The following ACSM1 variants were observed in gnomAD, a reference collection of about 807,000 sequenced individuals.
ACSM1 encodes acyl-CoA synthetase medium chain family member 1, also known as acyl-coenzyme A synthetase ACSM1, mitochondrial.
In ACSM1, 79 loss-of-function variants were observed where a neutral mutation model predicts 75.8. The observed-to-expected ratio is 1.04, with a 90% CI of 0.87 to 1.26. The LOEUF is 1.26. Ranked by LOEUF, ACSM1 falls within the 50% of genes most tolerant of loss-of-function variation. The pLI, the probability that ACSM1 is intolerant of heterozygous loss-of-function variation, is 0.00. For missense variants in ACSM1, 676 were observed against 720.1 expected (o/e 0.94, Z 0.70); for synonymous variants, 279 against 265.8 (o/e 1.05, Z -0.48).
At chr16:20,683,113 CTTTTA>C (rs2079479434) in intron 3 of ACSM1, among the ~76,000 whole-genome samples, 1 of 150,804 alleles carries the variant, frequency 6.6e-6, no homozygotes, top group African/African-American at 2.4e-5. Context: ...TTCTTTTTTT[CTTTTA>C]TTTATTTATT....
intron 4 of ACSM1, chr16:20,681,043 G>A (rs921501106): frequency 6.6e-6 from 1 of 152,190 alleles, no homozygotes; most frequent in African/African-American, 2.4e-5. Context: ...TAGGAGACTG[G>A]AAAGATAATG....
In ACSM1 at chr16:20,628,177, T is replaced by C. The variant is rs141831662; in HGVS notation, c.1300-861A>G. Among the ~76,000 whole-genome samples, 830 of 152,082 alleles carry C rather than the reference T, an allele frequency of 5.5e-3. 9 individuals are homozygous for C. Among genetic ancestry groups the C allele is most frequent in the African/African-American group, 0.019 (787 of 41,468 alleles). On this transcript the variant is annotated intron_variant, in intron 10 of 13. Transcript: ENST00000520010. ...ATGTAGTTATAAAAAATAATGTGGATCGATGCCCTGTACTCTTCACTAGTT... is the reference window on the plus strand; with the variant it reads ...ATGTAGTTATAAAAAATAATGTGGACCGATGCCCTGTACTCTTCACTAGTT...
intron 7 of ACSM1, among the ~76,000 whole-genome samples, chr16:20,651,956 T>G (rs1226627581): frequency 6.6e-6 from 1 of 152,174 alleles, no homozygotes; most frequent in African/African-American, 2.4e-5. Context: ...TGTTATAAAC[T>G]ATAAAATCCA....
chr16:20,624,754 G>A (rs2016808524), intron 12 of ACSM1, among the ~76,000 whole-genome samples: 1 of 152,064 alleles, frequency 6.6e-6, no homozygotes, highest in Non-Finnish European at 1.5e-5. Flanking sequence ...GCGTGCAGTG[G>A]TGTGATCTTG....
At chr16:20,683,413 C>T (rs1218585934) in intron 3 of ACSM1, among the ~76,000 whole-genome samples, 1 of 152,044 alleles carries the variant, frequency 6.6e-6, no homozygotes, top group East Asian at 1.9e-4. Flanking sequence ...CAGCTGTGAG[C>T]CACCATGCCT....
chr16:20,647,535 A>T (rs1034993849), intron 7 of ACSM1, among the ~76,000 whole-genome samples: 2 of 152,192 alleles, frequency 1.3e-5, no homozygotes, highest in African/African-American at 4.8e-5. Context: ...GATATGTGGG[A>T]AGCATTCAAA....
Position 20,648,705 on chromosome 16 carries a change from G to A in ACSM1, c.993-8121C>T, listed in dbSNP as rs2018484885. Among the ~76,000 whole-genome samples the A allele has an allele frequency of 6.6e-6, 1 of 152,006 alleles. No homozygotes were observed. Among genetic ancestry groups the A allele is most frequent in the Non-Finnish European group, 1.5e-5 (1 of 67,996 alleles). ...TAACCCTCTCTTTTATTGATTCCAG[G>A]TCTTTAGATAAACTCAACCAACTGC... On this transcript the variant is annotated intron_variant, in intron 7 of 13. Coordinates refer to ENST00000520010, the MANE Select transcript of ACSM1 (RefSeq NM_001318890.3). The surrounding 1 kb of genome is among the most constrained non-coding windows in gnomAD (Gnocchi z 4.2).
At chr16:20,696,925 C>T (rs890108182) in intron 1 of ACSM1, among the ~76,000 whole-genome samples, 10 of 152,206 alleles carry the variant, frequency 6.6e-5, no homozygotes, top group African/African-American at 2.4e-4. Context: ...TGTCTCTGAA[C>T]TTAAGCGCAC....
chr16:20,644,951 T>C (rs1275574099), intron 7 of ACSM1, among the ~76,000 whole-genome samples: 1 of 152,216 alleles, frequency 6.6e-6, no homozygotes, highest in African/African-American at 2.4e-5. Flanking sequence ...AATAAATTAC[T>C]CTATCTCAAT....
At chr16:20,668,443 G>A (rs947985994) in intron 6 of ACSM1, among the ~76,000 whole-genome samples, 24 of 152,126 alleles carry the variant, frequency 1.6e-4, no homozygotes, top group Admixed American at 1.3e-4. Flanking sequence ...GCAGAATGTG[G>A]TACAGAAAAT....
At chr16:20,662,291 C>A (rs1486509088) in intron 6 of ACSM1, among the ~76,000 whole-genome samples, 1 of 152,036 alleles carries the variant, frequency 6.6e-6, no homozygotes, top group Non-Finnish European at 1.5e-5. Flanking sequence ...TGTCTACAGG[C>A]AGGGAGAGTG....
chr16:20,628,964 GA>G (rs1035220262), intron 10 of ACSM1, among the ~76,000 whole-genome samples: 2 of 152,074 alleles, frequency 1.3e-5, no homozygotes, highest in South Asian at 2.1e-4. Flanking sequence ...AGAGCTACCC[GA>G]AAAAAACATT....
At chr16:20,655,035 T>A (rs2018871505) in intron 7 of ACSM1, among the ~76,000 whole-genome samples, 1 of 152,108 alleles carries the variant, frequency 6.6e-6, no homozygotes. Context: ...TAAGAAAATG[T>A]GGCACATATA....
rs372836188 is a variant in ACSM1, at chr16:20,648,730, C to T, written c.993-8146G>A. ...GTCTTTAGATAAACTCAACCAACTG[C>T]CAATCAGAAAATCCTTCTATGACCT... On this transcript the variant is annotated intron_variant, in intron 7 of 13. Coordinates refer to ENST00000520010, the MANE Select transcript of ACSM1 (RefSeq NM_001318890.3). This position sits in a 1 kb window ranked among gnomAD's most constrained non-coding sequence, Gnocchi z 4.2. Among the ~76,000 whole-genome samples the T allele has an allele frequency of 9.4e-4, 143 of 152,316 alleles. 6 individuals carry two copies. In the South Asian group the frequency reaches 0.028, roughly 30 times the overall value.
chr16:20,637,082 C>CAA (rs1324536131), intron 9 of ACSM1: 1 of 749,888 alleles, frequency 1.3e-6, no homozygotes, highest in South Asian at 1.4e-5. Context: ...AAACAGTGAT[C>CAA]AAAAAAAATG....
At chr16:20,627,144 G>T in intron 11 of ACSM1, 45 bp downstream of exon 11, 1 of 1,487,628 alleles carries the variant, frequency 6.7e-7, no homozygotes, top group Non-Finnish European at 8.9e-7. Flanking sequence ...ATTCCGTGAG[G>T]CATGTGACGG....
At chr16:20,676,869 A>T (rs987851259) in intron 4 of ACSM1, among the ~76,000 whole-genome samples, 9 of 151,488 alleles carry the variant, frequency 5.9e-5, no homozygotes, top group African/African-American at 1.5e-4. Flanking sequence ...GCCATGGTAT[A>T]AAAAAAAACC....
At chr16:20,628,778 T>G (rs1328832073) in intron 10 of ACSM1, among the ~76,000 whole-genome samples, 4 of 152,168 alleles carry the variant, frequency 2.6e-5, no homozygotes, top group Non-Finnish European at 5.9e-5. Context: ...AGTTGGCACT[T>G]TTTTTGTCGC....
intron 7 of ACSM1, among the ~76,000 whole-genome samples, chr16:20,656,004 C>T (rs1449553787): frequency 6.6e-6 from 1 of 152,084 alleles, no homozygotes; most frequent in East Asian, 1.9e-4. Context: ...TTAATTGTTT[C>T]TTTAACATTC....
Sources: allele counts gnomAD v4.1 joint callset (sites outside exome capture counted in the v4.1 genomes callset), GRCh38; gene constraint gnomAD v4.1.1; non-coding constraint Gnocchi (gnomAD v3.1); transcripts MANE v1.5; gene names NCBI Gene and HGNC (gene_info 2026-07-23, HGNC 2026-07-21).